CD2: variants seen among roughly 807,000 people sequenced by gnomAD.
The protein encoded by CD2 is CD2 molecule.
In CD2, 18 loss-of-function variants were observed where a neutral mutation model predicts 23.2. The observed-to-expected ratio is 0.77, with a 90% CI of 0.54 to 1.15. CD2 has a LOEUF of 1.15. Ranked by LOEUF, CD2 falls within the 50% of genes most tolerant of loss-of-function variation. The pLI, the probability that CD2 is intolerant of heterozygous loss-of-function variation, is 0.00. For synonymous variants in CD2, 162 were observed against 151.9 expected, an observed-to-expected ratio of 1.07 and a Z score of -0.49; for missense variants, 424 against 423.1, an observed-to-expected ratio of 1.00 and a Z score of -0.02.
At chr1:116,755,062 A>G in intron 2 of CD2, 111 bp downstream of exon 2, 4 of 733,214 alleles carry the variant, frequency 5.5e-6, no homozygotes, top group Non-Finnish European at 6.8e-6. Flanking sequence ...CAGGGGGGCT[A>G]TACAGGAAAC....
At chr1:116,760,343 T>C in intron 2 of CD2, 59 bp from the exon 3 acceptor site, 1 of 1,352,268 alleles carries the variant, frequency 7.4e-7, no homozygotes. Context: ...TATAAATAGA[T>C]ATGTTTATTA....
intron 4 of CD2, among the ~76,000 whole-genome samples, chr1:116,766,408 G>C (rs1271716892): frequency 2.0e-5 from 3 of 152,228 alleles, no homozygotes; most frequent in Admixed American, 1.3e-4. Context: ...CTTTCTGGTG[G>C]CCCTGGGCTC....
At chr1:116,760,733 T>G (rs926311425) in intron 3 of CD2, 101 bp downstream of exon 3, 2 of 841,288 alleles carry the variant, frequency 2.4e-6, no homozygotes, top group Non-Finnish European at 3.9e-6. Context: ...GAGGCAGCCC[T>G]GGCTCAGGAT....
intron 3 of CD2, among the ~76,000 whole-genome samples, chr1:116,764,107 C>T (rs185781744): frequency 2.0e-4 from 31 of 152,000 alleles, no homozygotes; most frequent in African/African-American, 7.5e-4. Context: ...CTTCGGGCAA[C>T]TCATTCTCCC....
chr1:116,765,253 G>A (rs909516038), intron 4 of CD2, among the ~76,000 whole-genome samples: 4 of 152,180 alleles, frequency 2.6e-5, no homozygotes, highest in African/African-American at 7.2e-5. Context: ...TGGCCAACCC[G>A]GGGTCACTGT....
rs1170206021 is a variant in CD2, at chr1:116,769,187, C to G, written c.*404C>G. On this transcript the variant is annotated 3_prime_UTR_variant, in exon 5 of 5. Coordinates refer to ENST00000369478, the MANE Select transcript of CD2 (RefSeq NM_001767.5). ...CTTATGTGCCCTGGTGGACACTTGC[C>G]CACCATCCTGTGAGTAAAAGTGAAA... The G allele has an allele frequency of 6.2e-6, 1 of 162,508 alleles. No individual in the cohort carries two copies. The highest frequency in any genetic ancestry group is 2.4e-5 in the African/African-American group (1 of 41,718). The allele number at this position is 162,508 out of a possible 1,614,324, so 10.1% of individuals were successfully genotyped here.
intron 4 of CD2, among the ~76,000 whole-genome samples, chr1:116,767,943 T>A (rs1652265548): frequency 6.6e-6 from 1 of 152,108 alleles, no homozygotes; most frequent in South Asian, 2.1e-4. Context: ...GAGAAGCGAG[T>A]AAATTTCTAA....
chr1:116,759,759 A>G (rs1651979777), intron 2 of CD2, among the ~76,000 whole-genome samples: 2 of 152,206 alleles, frequency 1.3e-5, no homozygotes, highest in Admixed American at 6.5e-5. Flanking sequence ...GGGAAAAGGC[A>G]GAATCAAGTC....
intron 2 of CD2, among the ~76,000 whole-genome samples, chr1:116,758,037 G>A (rs1448748562): frequency 6.6e-6 from 1 of 151,216 alleles, no homozygotes; most frequent in African/African-American, 2.4e-5. Context: ...CCAAAGTGCT[G>A]GATTACAGGC....
In CD2 at chr1:116,754,960, TCATTC is replaced by T; in HGVS notation, c.382+11_382+15del. On this transcript the variant is annotated intron_variant, in intron 2 of 4. Transcript: ENST00000369478. ...TGATTTGAAGATTCAAGGTAAGTGT[TCATTC>T]CCTTAATTGCTTTATTTCAGTGTGG... 6.4e-7 allele frequency: 1 copy of T among 1,556,810 alleles called. No individual in the cohort carries two copies.
intron 4 of CD2, among the ~76,000 whole-genome samples, chr1:116,766,637 T>C (rs1652223750): frequency 6.6e-6 from 1 of 151,690 alleles, no homozygotes; most frequent in Admixed American, 6.6e-5. Context: ...AGGAGGATCA[T>C]TTGAGCTCAG....
chr1:116,767,685 G>A (rs1364458866), intron 4 of CD2, among the ~76,000 whole-genome samples: 1 of 152,078 alleles, frequency 6.6e-6, no homozygotes, highest in Non-Finnish European at 1.5e-5. Context: ...GGCCTTGGGT[G>A]CAGGGACTGA....
intron 2 of CD2, among the ~76,000 whole-genome samples, chr1:116,759,995 T>C (rs1398252376): frequency 1.3e-5 from 2 of 152,154 alleles, no homozygotes; most frequent in Non-Finnish European, 2.9e-5. Flanking sequence ...TTACCCATAC[T>C]CCTAAACCCT....
chr1:116,767,793 G>C (rs940482303), intron 4 of CD2, among the ~76,000 whole-genome samples: 1 of 152,198 alleles, frequency 6.6e-6, no homozygotes, highest in East Asian at 1.9e-4. Context: ...GTGATTTTAA[G>C]AGTACAGGAA....
intron 2 of CD2, among the ~76,000 whole-genome samples, chr1:116,760,055 G>A (rs888477271): frequency 2.6e-5 from 4 of 152,180 alleles, no homozygotes; most frequent in Non-Finnish European, 5.9e-5. Context: ...GGACCTCTCA[G>A]AGCCTTGAAC....
intron 4 of CD2, 82 bp downstream of exon 4, chr1:116,764,688 G>C (rs934789676): frequency 2.9e-6 from 3 of 1,024,902 alleles, no homozygotes; most frequent in Non-Finnish European, 4.6e-6. Context: ...CCTTGAATCT[G>C]CAGAGAAAAT....
intron 2 of CD2, 56 bp from the exon 3 acceptor site, chr1:116,760,346 G>A: frequency 7.1e-7 from 1 of 1,413,852 alleles, no homozygotes; most frequent in Non-Finnish European, 9.9e-7. Flanking sequence ...AAATAGATAT[G>A]TTTATTAAAA....
intron 2 of CD2, among the ~76,000 whole-genome samples, chr1:116,759,891 G>A (rs1338073305): frequency 1.3e-5 from 2 of 152,168 alleles, no homozygotes; most frequent in Non-Finnish European, 2.9e-5. Flanking sequence ...GGTATCCAAG[G>A]TCCCCAGTCA....
In CD2 at chr1:116,760,508, A is replaced by G. The variant is rs1485714724; in HGVS notation, c.489A>G (p.Lys163=). The G allele has an allele frequency of 4.3e-6, 7 of 1,614,190 alleles. No individual in the cohort carries two copies. Among genetic ancestry groups the G allele is most frequent in the Non-Finnish European group, 5.9e-6 (7 of 1,179,998 alleles). Residue 163 remains lysine, a synonymous_variant, in exon 3 of 5, where the codon AAA becomes AAG. Coordinates refer to ENST00000369478, the MANE Select transcript of CD2 (RefSeq NM_001767.5). The stretch of plus-strand genomic sequence containing the variant: ...AATTAAACCTGTATCAAGATGGGAA[A>G]CATCTAAAACTTTCTCAGAGGGTCA... ...DPELNLYQDG[K]HLKLSQRVIT...
Sources: allele counts gnomAD v4.1 joint callset (sites outside exome capture counted in the v4.1 genomes callset), GRCh38; gene constraint gnomAD v4.1.1; transcripts MANE v1.5; gene names NCBI Gene and HGNC (gene_info 2026-07-23, HGNC 2026-07-21).